The following FAM118A variants were observed in gnomAD, a reference collection of about 807,000 sequenced individuals.
FAM118A encodes SIR2 antiphage like 2.
A neutral mutation model predicts 38.2 loss-of-function variants in FAM118A; 25 were observed. The ratio of observed to expected loss-of-function variants is 0.65; its 90% CI spans 0.48 to 0.91. FAM118A has a LOEUF of 0.91. Ranked by LOEUF, FAM118A falls within the 40% of genes least tolerant of loss-of-function variation. FAM118A has a pLI of 0.00. For synonymous variants in FAM118A, 178 were observed against 184.1 expected, an observed-to-expected ratio of 0.97 and a Z score of 0.27; for missense variants, 425 against 463.3, an observed-to-expected ratio of 0.92 and a Z score of 0.76.
At chr22:45,321,289 A>C (rs1042118462) in intron 1 of FAM118A, among the ~76,000 whole-genome samples, 2 of 152,214 alleles carry the variant, frequency 1.3e-5, no homozygotes, top group African/African-American at 2.4e-5. Context: ...AAATGTTAAC[A>C]GTTACTGCTC....
At chr22:45,330,140 C>T (rs1569146025) in intron 4 of FAM118A, among the ~76,000 whole-genome samples, 1 of 152,250 alleles carries the variant, frequency 6.6e-6, no homozygotes, top group Non-Finnish European at 1.5e-5. Flanking sequence ...AGTAATCACT[C>T]TTAACAGTTT....
Position 45,323,157 on chromosome 22 carries a change from T to C in FAM118A, c.48-18T>C. On this transcript the variant is annotated intron_variant, in intron 2 of 8. Transcript: ENST00000441876. ...TCCGCTTTGACTTTCATTCTCTTGC[T>C]CCCTTCTTTTCAAGTAGAAAGTTTT... The C allele has an allele frequency of 6.2e-7, 1 of 1,607,290 alleles. No individual in the cohort carries two copies. Among genetic ancestry groups the C allele is most frequent in the Non-Finnish European group, 8.5e-7 (1 of 1,174,806 alleles).
intron 1 of FAM118A, among the ~76,000 whole-genome samples, chr22:45,310,977 G>A (rs2084339109): frequency 6.6e-6 from 1 of 152,212 alleles, no homozygotes; most frequent in Non-Finnish European, 1.5e-5. Context: ...AAATAGAGAT[G>A]AGACGGTCCC....
chr22:45,336,780 TCA>T (rs2086130696), intron 8 of FAM118A, among the ~76,000 whole-genome samples: 1 of 152,226 alleles, frequency 6.6e-6, no homozygotes, highest in Admixed American at 6.5e-5. Flanking sequence ...TCCCATCTAA[TCA>T]CACGCAGTTG....
At chr22:45,310,791 C>G (rs1401357891) in intron 1 of FAM118A, among the ~76,000 whole-genome samples, 1 of 152,204 alleles carries the variant, frequency 6.6e-6, no homozygotes, top group Non-Finnish European at 1.5e-5. Flanking sequence ...CTCAGGTGGC[C>G]CCACAGGACA....
chr22:45,324,669 G>A (rs1006310914), intron 3 of FAM118A, among the ~76,000 whole-genome samples: 4 of 152,160 alleles, frequency 2.6e-5, no homozygotes, highest in Non-Finnish European at 4.4e-5. Context: ...ATTCATTTAC[G>A]TATAGTACGT....
chr22:45,335,999 G>A (rs866234545), intron 7 of FAM118A, among the ~76,000 whole-genome samples: 7 of 152,230 alleles, frequency 4.6e-5, no homozygotes, highest in Non-Finnish European at 1.0e-4. Context: ...GGCCCAGCGC[G>A]TTCACAGATG....
rs772868321 is a variant in FAM118A, at chr22:45,332,752, T to C, written c.937+42T>C. ...CACTTTCCTTTTTCTTTCTTTTTTCTTTTTTTTTTTTGAGACGGAGTTTTG... is the reference window on the plus strand; with the variant it reads ...CACTTTCCTTTTTCTTTCTTTTTTCCTTTTTTTTTTTGAGACGGAGTTTTG... On this transcript the variant is annotated intron_variant, in intron 6 of 8. Coordinates refer to ENST00000441876, the MANE Select transcript of FAM118A (RefSeq NM_017911.4). 15 of 703,348 alleles carry C rather than the reference T, an allele frequency of 2.1e-5. No homozygotes were observed. The South Asian group carries it at 3.8e-4, about 18-fold the overall frequency. 43.6% of individuals were successfully genotyped at this position (703,348 alleles called of 1,614,324 possible).
At chr22:45,340,108 A>G (rs1459615373) in intron 8 of FAM118A, among the ~76,000 whole-genome samples, 1 of 152,224 alleles carries the variant, frequency 6.6e-6, no homozygotes, top group Non-Finnish European at 1.5e-5. Flanking sequence ...CCCCATCCTC[A>G]GTCCACTAAG....
chr22:45,316,673 T>G (rs761097414), intron 1 of FAM118A, among the ~76,000 whole-genome samples: 3 of 152,216 alleles, frequency 2.0e-5, no homozygotes, highest in Non-Finnish European at 2.9e-5. Flanking sequence ...TTTCCCAGCC[T>G]CTTGTCTCCT....
At position 45,331,070 on chromosome 22, in the gene FAM118A, A is replaced by G. The variant is rs142953099; in HGVS notation, c.651+339A>G. 5.4e-3 allele frequency among the ~76,000 whole-genome samples: 821 copies of G among 152,314 alleles called. 2 individuals are homozygous for G. Among genetic ancestry groups the G allele is most frequent in the Non-Finnish European group, 9.9e-3 (672 of 68,022 alleles). On this transcript the variant is annotated intron_variant, in intron 5 of 8. Transcript: ENST00000441876. The stretch of plus-strand genomic sequence containing the variant: ...CAGGTATATAGTGAAACTCCTCAGC[A>G]TGACATATAGGCCCCGTGCAGTCTA...
intron 1 of FAM118A, among the ~76,000 whole-genome samples, chr22:45,314,916 A>G (rs1254782714): frequency 2.6e-5 from 4 of 152,264 alleles, no homozygotes; most frequent in African/African-American, 7.2e-5. Context: ...GCAAGAATAT[A>G]TAATACACAA....
intron 1 of FAM118A, among the ~76,000 whole-genome samples, chr22:45,312,300 G>A (rs531667811): frequency 3.3e-5 from 5 of 152,142 alleles, no homozygotes; most frequent in East Asian, 1.9e-4. Flanking sequence ...CCACCCCTTC[G>A]GACACCAGTC....
intron 3 of FAM118A, among the ~76,000 whole-genome samples, chr22:45,325,433 TGTA>T (rs2085195950): frequency 6.6e-6 from 1 of 151,892 alleles, no homozygotes; most frequent in East Asian, 1.9e-4. Context: ...TGGGGGAAGT[TGTA>T]GTGATCCATT....
At position 45,332,523 on chromosome 22, in the gene FAM118A, C is replaced by A; in HGVS notation, c.750C>A (p.Ser250=). 2 of 1,614,142 alleles carry A rather than the reference C, an allele frequency of 1.2e-6. No individual in the cohort carries two copies. Among genetic ancestry groups the A allele is most frequent in the African/African-American group, 1.3e-5 (1 of 75,032 alleles). The change falls in exon 6 of 9, where the codon TCC becomes TCA. Residue 250 remains serine, a synonymous_variant. Transcript: ENST00000441876. ...TATTCCAGGCCCTCTTTCTTTACTCCGTGCCGAATAAGGTGGATTTGGAGC... is the reference window on the plus strand; with the variant it reads ...TATTCCAGGCCCTCTTTCTTTACTCAGTGCCGAATAAGGTGGATTTGGAGC... The part of the protein sequence containing the change: ...DQIFQALFLY[S]VPNKVDLEHY...
intron 8 of FAM118A, among the ~76,000 whole-genome samples, chr22:45,339,951 C>T (rs1042993816): frequency 2.6e-5 from 4 of 152,198 alleles, no homozygotes; most frequent in Non-Finnish European, 5.9e-5. Context: ...CTCCTTAGGG[C>T]GAAGCTCCTG....
intron 1 of FAM118A, among the ~76,000 whole-genome samples, chr22:45,320,809 C>T (rs2084831916): frequency 6.6e-6 from 1 of 152,186 alleles, no homozygotes; most frequent in African/African-American, 2.4e-5. Context: ...GACCACTTTT[C>T]TGGAAAGCGG....
intron 1 of FAM118A, among the ~76,000 whole-genome samples, chr22:45,313,186 A>G (rs1161721439): frequency 6.6e-6 from 1 of 152,180 alleles, no homozygotes; most frequent in Non-Finnish European, 1.5e-5. Flanking sequence ...GATTTCAACA[A>G]AATGCAAAGC....
intron 3 of FAM118A, among the ~76,000 whole-genome samples, chr22:45,324,821 C>G (rs1347396034): frequency 6.6e-6 from 1 of 152,112 alleles, no homozygotes; most frequent in Non-Finnish European, 1.5e-5. Flanking sequence ...CCGAGGCAGG[C>G]AGATCACCTG....
Sources: allele counts gnomAD v4.1 joint callset (sites outside exome capture counted in the v4.1 genomes callset), GRCh38; gene constraint gnomAD v4.1.1; transcripts MANE v1.5; gene names NCBI Gene and HGNC (gene_info 2026-07-23, HGNC 2026-07-21).